The following PATJ variants were observed in gnomAD, a reference collection of about 807,000 sequenced individuals.
PATJ encodes the protein PATJ crumbs cell polarity complex component.
PATJ carries 190 observed loss-of-function variants against 224.9 expected under a neutral mutation model. The observed-to-expected ratio is 0.84, with a 90% CI of 0.75 to 0.95. The LOEUF is 0.95. Among genes scored for constraint, PATJ ranks in the 40% least tolerant of loss-of-function variants. The probability of loss-of-function intolerance (pLI) is 0.00; values close to 1 mark genes in which losing one functional copy is unlikely to be tolerated. For synonymous variants in PATJ, 769 were observed against 820.3 expected (o/e 0.94, Z 1.07); for missense variants, 2,121 against 2,270.3 (o/e 0.93, Z 1.34).
chr1:61,926,128 C>A (rs928304966), intron 26 of PATJ, among the ~76,000 whole-genome samples: 1 of 152,160 alleles, frequency 6.6e-6, no homozygotes, highest in African/African-American at 2.4e-5. Context: ...CAGGACTGTT[C>A]TCAGAGTTGA....
chr1:61,942,470 TAGAC>T (rs1209249372), intron 27 of PATJ, among the ~76,000 whole-genome samples: 1 of 151,890 alleles, frequency 6.6e-6, no homozygotes. Context: ...TGCAAAATGA[TAGAC>T]AGTACAACTG....
intron 14 of PATJ, among the ~76,000 whole-genome samples, chr1:61,819,650 T>C (rs1052633343): frequency 6.6e-6 from 1 of 152,196 alleles, no homozygotes; most frequent in African/African-American, 2.4e-5. Flanking sequence ...AGCTCCAATT[T>C]GTAGCATGTA....
intron 17 of PATJ, among the ~76,000 whole-genome samples, chr1:61,854,703 C>T (rs1663370975): frequency 6.6e-6 from 1 of 152,168 alleles, no homozygotes; most frequent in African/African-American, 2.4e-5. Context: ...ATAAATTTGC[C>T]TACATCCTGG....
At chr1:62,030,424 T>C (rs1649000321) in intron 29 of PATJ, among the ~76,000 whole-genome samples, 2 of 151,190 alleles carry the variant, frequency 1.3e-5, no homozygotes, top group Admixed American at 6.7e-5. Flanking sequence ...TTATCAGTGA[T>C]AGAATCCATA....
intron 29 of PATJ, among the ~76,000 whole-genome samples, chr1:62,031,983 A>C (rs1230291726): frequency 6.6e-6 from 1 of 152,060 alleles, no homozygotes; most frequent in Non-Finnish European, 1.5e-5. Flanking sequence ...TCATGTATTA[A>C]TTTTCTCTTG....
intron 28 of PATJ, among the ~76,000 whole-genome samples, chr1:61,990,911 T>A (rs1645024811): frequency 6.6e-6 from 1 of 152,218 alleles, no homozygotes; most frequent in Non-Finnish European, 1.5e-5. Flanking sequence ...TGATCCTCTT[T>A]TAATTACTCC....
intron 3 of PATJ, among the ~76,000 whole-genome samples, chr1:61,765,944 A>G (rs112897962): frequency 0.013 from 2,046 of 152,312 alleles, 52 homozygotes; most frequent in African/African-American, 0.047. Context: ...GTACAGATAA[A>G]TGGAAAAAGG....
chr1:62,037,858 A>T, intron 29 of PATJ, 119 bp from the exon 30 acceptor site: 2 of 363,056 alleles, frequency 5.5e-6, no homozygotes, highest in Non-Finnish European at 1.0e-5. Context: ...ATATATATAT[A>T]TTTAATTCTA....
chr1:61,805,726 A>C (rs1171501596), intron 13 of PATJ, among the ~76,000 whole-genome samples: 3 of 152,206 alleles, frequency 2.0e-5, no homozygotes, highest in Admixed American at 2.0e-4. Flanking sequence ...TAAGGACTGC[A>C]CACAAACTTC....
chr1:62,016,634 G>A (rs59371849), intron 28 of PATJ, among the ~76,000 whole-genome samples: 101 of 152,266 alleles, frequency 6.6e-4, no homozygotes, highest in East Asian at 6.2e-3. Context: ...CAGGAATAAA[G>A]AAATTTAGAA....
At chr1:61,811,429 C>G (rs56224103) in intron 14 of PATJ, among the ~76,000 whole-genome samples, 3,966 of 151,970 alleles carry the variant, frequency 0.026, 85 homozygotes, top group Non-Finnish European at 0.042. Context: ...GGAGTTTCAC[C>G]ATGTTGGCCA....
intron 27 of PATJ, among the ~76,000 whole-genome samples, chr1:61,938,797 TA>T (rs202101008): frequency 6.6e-6 from 1 of 152,008 alleles, no homozygotes; most frequent in African/African-American, 2.4e-5. Context: ...ATTTAGAGCA[TA>T]AAAAAATTTT....
At chr1:62,051,099 G>A (rs546437398) in intron 31 of PATJ, 41 bp downstream of exon 31, 1 of 1,408,960 alleles carries the variant, frequency 7.1e-7, no homozygotes, top group Admixed American at 1.7e-5. Flanking sequence ...TTCTGTTTAG[G>A]GATGTATCAC....
intron 28 of PATJ, among the ~76,000 whole-genome samples, chr1:62,007,367 T>C (rs1389801730): frequency 6.6e-6 from 1 of 152,212 alleles, no homozygotes; most frequent in Non-Finnish European, 1.5e-5. Context: ...TAAAAACAGA[T>C]AAGAAAACCA....
At chr1:61,941,880 A>T (rs779871007) in intron 27 of PATJ, among the ~76,000 whole-genome samples, 7 of 152,194 alleles carry the variant, frequency 4.6e-5, no homozygotes, top group Non-Finnish European at 8.8e-5. Flanking sequence ...GAGATTTTTC[A>T]CTTCAAAGTT....
rs1665101463 is a variant in PATJ, at chr1:61,864,499, C to T, written c.2701C>T (p.Pro901Ser). ...GCACATTCAAGAGGCCACTCCTGTGCCCTCTGTGAATGAACTTCACTTTGG... is the reference window on the plus strand; with the variant it reads ...GCACATTCAAGAGGCCACTCCTGTGTCCTCTGTGAATGAACTTCACTTTGG... ...LSHIQEATPV[P>S]SVNELHFGTQ... The change falls in exon 20 of 44, where the codon CCC (proline) becomes TCC (serine). Residue 901 changes from proline (P) to serine (S), a missense_variant. Coordinates refer to ENST00000642238, the MANE Select transcript of PATJ (RefSeq NM_001350145.3). 1 of 1,613,672 alleles carries T rather than the reference C, an allele frequency of 6.2e-7. No homozygotes were observed. Among genetic ancestry groups the T allele is most frequent in the Non-Finnish European group, 8.5e-7 (1 of 1,179,746 alleles).
rs917610762 is a variant in PATJ at position 62,049,905 on chromosome 1, C to T, written c.4033-1061C>T. 7.2e-5 allele frequency among the ~76,000 whole-genome samples: 11 copies of T among 152,072 alleles called. 1 individual carries two copies. The highest frequency in any genetic ancestry group is 4.2e-4 in the South Asian group (2 of 4,812). ...AGGCTGAGGCAGGCAGATCACTTGACGTCAGGAGTTCGAGACCAGCCTTGC... is the reference window on the plus strand; with the variant it reads ...AGGCTGAGGCAGGCAGATCACTTGATGTCAGGAGTTCGAGACCAGCCTTGC... On this transcript the variant is annotated intron_variant, in intron 30 of 43. Coordinates refer to ENST00000642238, the MANE Select transcript of PATJ (RefSeq NM_001350145.3).
chr1:61,742,754 G>C (rs1312369915), intron 1 of PATJ, among the ~76,000 whole-genome samples, 199 bp downstream of exon 1: 1 of 150,700 alleles, frequency 6.6e-6, no homozygotes, highest in Non-Finnish European at 1.5e-5. Flanking sequence ...CCGCGGCGAG[G>C]ATGGGGCGCC....
intron 27 of PATJ, among the ~76,000 whole-genome samples, chr1:61,930,967 T>C (rs1675946833): frequency 6.6e-6 from 1 of 152,222 alleles, no homozygotes; most frequent in African/African-American, 2.4e-5. Context: ...CCTCCCAAAG[T>C]GCTGGGATTA....
Sources: gnomAD v4.1 joint callset for allele counts (sites outside exome capture counted in the v4.1 genomes callset) on GRCh38, gnomAD v4.1.1 for gene constraint, MANE v1.5 for transcripts, NCBI Gene and HGNC (gene_info 2026-07-23, HGNC 2026-07-21) for gene names.